AOX1: variants seen among roughly 807,000 people sequenced by gnomAD.
AOX1 encodes aldehyde oxidase 1, also known as aldehyde oxidase.
AOX1 carries 153 observed loss-of-function variants against 169.5 expected under a neutral mutation model. That is an observed-to-expected ratio of 0.90 (90% CI 0.79 to 1.03). The LOEUF is 1.03. Ranked by LOEUF, AOX1 falls within the 50% of genes least tolerant of loss-of-function variation. The pLI, the probability that AOX1 is intolerant of heterozygous loss-of-function variation, is 0.00. For missense variants in AOX1, 1,656 were observed against 1,663.9 expected (o/e 1.00, Z 0.08); for synonymous variants, 562 against 581.9 (o/e 0.97, Z 0.49).
chr2:200,662,574 G>A (rs894640772), intron 30 of AOX1, among the ~76,000 whole-genome samples: 2 of 152,204 alleles, frequency 1.3e-5, no homozygotes, highest in Admixed American at 6.5e-5. Context: ...TTAGCCAAAA[G>A]CAGTAAGATG....
chr2:200,589,124 T>C (rs941885123), intron 1 of AOX1, among the ~76,000 whole-genome samples: 1 of 152,160 alleles, frequency 6.6e-6, no homozygotes, highest in Non-Finnish European at 1.5e-5. Flanking sequence ...GGTGACATGA[T>C]TGGCTTCTAT....
chr2:200,641,293 T>G, intron 24 of AOX1, 109 bp downstream of exon 24: 1 of 758,628 alleles, frequency 1.3e-6, no homozygotes, highest in Non-Finnish European at 2.2e-6. Context: ...AAAGGTATAA[T>G]GACCATCCTT....
chr2:200,680,679 G>A (rs568279047), downstream of AOX1, among the ~76,000 whole-genome samples: 5 of 152,218 alleles, frequency 3.3e-5, no homozygotes, highest in South Asian at 2.1e-4. Context: ...ATGAGTAGCT[G>A]GGATTACAGG....
chr2:200,669,019 A>G (rs369817923), intron 33 of AOX1, among the ~76,000 whole-genome samples: 22 of 152,232 alleles, frequency 1.4e-4, no homozygotes, highest in African/African-American at 4.8e-4. Flanking sequence ...ATCAGGTTCT[A>G]TCTAATTTTT....
intron 16 of AOX1, 30 bp from the exon 17 acceptor site, chr2:200,620,620 A>T: frequency 6.8e-7 from 1 of 1,468,938 alleles, no homozygotes; most frequent in Non-Finnish European, 9.0e-7. Flanking sequence ...ATAGAAATGT[A>T]AAAGTATATT....
rs578205008 is a variant in AOX1, at chr2:200,599,828, G to A, written c.436+82G>A. The A allele has an allele frequency of 8.9e-5, 104 of 1,171,910 alleles. No homozygotes were observed. In the Middle Eastern group the frequency reaches 1.9e-3, roughly 22 times the overall value. The allele number at this position is 1,171,910 out of a possible 1,614,324, so 72.6% of individuals were successfully genotyped here. A position where few individuals can be genotyped will look rare whatever the true frequency, so the allele number is the denominator to read the frequency against. ...GAGACGGAATCTCACTCTGTTGCCC[G>A]GGCTGGAGGGCGGCGGCGCAATCTT... On this transcript the variant is annotated intron_variant, in intron 5 of 34. Coordinates refer to ENST00000374700, the MANE Select transcript of AOX1 (RefSeq NM_001159.4).
chr2:200,652,906 A>G (rs542338333), intron 26 of AOX1, among the ~76,000 whole-genome samples: 1 of 152,210 alleles, frequency 6.6e-6, no homozygotes, highest in Non-Finnish European at 1.5e-5. Context: ...CTCTACAAAA[A>G]AGAAAAAATA....
intron 14 of AOX1, among the ~76,000 whole-genome samples, chr2:200,613,567 T>C (rs1232578567): frequency 6.6e-6 from 1 of 152,214 alleles, no homozygotes; most frequent in Admixed American, 6.5e-5. Context: ...TTGTCATTTA[T>C]TTCTCTAGAT....
At chr2:200,603,471 G>T (rs1335024105) in intron 7 of AOX1, 115 bp downstream of exon 7, 8 of 724,410 alleles carry the variant, frequency 1.1e-5, no homozygotes, top group Non-Finnish European at 1.9e-5. Flanking sequence ...ATGTCAACAT[G>T]TGCCCTCTCC....
At chr2:200,600,995 T>A (rs2463492) in intron 5 of AOX1, among the ~76,000 whole-genome samples, 3 of 151,116 alleles carry the variant, frequency 2.0e-5, no homozygotes, top group African/African-American at 7.3e-5. Context: ...TAATGTGCCC[T>A]ACTGCTTTCA....
downstream of AOX1, among the ~76,000 whole-genome samples, chr2:200,675,882 T>G (rs566431324): frequency 2.7e-4 from 40 of 150,938 alleles, no homozygotes; most frequent in South Asian, 1.9e-3. Flanking sequence ...CAAAGGTAAT[T>G]GCACTTTTTG....
intron 21 of AOX1, 34 bp from the exon 22 acceptor site, chr2:200,636,877 G>A (rs2035243795): frequency 6.3e-7 from 1 of 1,593,916 alleles, no homozygotes; most frequent in Non-Finnish European, 8.6e-7. Context: ...TGCTGAAGAT[G>A]GATCAGATTA....
intron 5 of AOX1, 99 bp from the exon 6 acceptor site, chr2:200,602,185 C>A: frequency 3.2e-6 from 3 of 923,208 alleles, no homozygotes; most frequent in Admixed American, 2.2e-5. Context: ...TCAAACAGAT[C>A]TTTCCTCTAT....
chr2:200,628,748 G>A (rs1167040996), intron 20 of AOX1, among the ~76,000 whole-genome samples: 1 of 152,080 alleles, frequency 6.6e-6, no homozygotes, highest in Non-Finnish European at 1.5e-5. Context: ...GGCCAAAATG[G>A]CAAAAACCCC....
rs2034883564 is a variant in AOX1 at position 200,621,363 on chromosome 2, T to A, written c.2001+117T>A. 8.1e-6 allele frequency: 8 copies of A among 985,906 alleles called. No individual in the cohort carries two copies. The East Asian group carries it at 2.0e-4, about 25-fold the overall frequency. 61.1% of individuals were successfully genotyped at this position (985,906 alleles called of 1,614,324 possible). ...ATGAAAGACTCCAGTATTCTTAGAA[T>A]GCTTATTATAAAAGTATATTCTAAT... On this transcript the variant is annotated intron_variant, in intron 18 of 34. Transcript: ENST00000374700.
chr2:200,665,542 G>A (rs373257682), intron 31 of AOX1, among the ~76,000 whole-genome samples: 3 of 152,060 alleles, frequency 2.0e-5, no homozygotes, highest in East Asian at 1.9e-4. Context: ...AGTGATTCTC[G>A]TGCCTCAGCC....
intron 3 of AOX1, 85 bp downstream of exon 3, chr2:200,595,453 A>G: frequency 1.1e-6 from 1 of 900,224 alleles, no homozygotes; most frequent in East Asian, 2.8e-5. Context: ...ATATATATTG[A>G]GTACCTACCA....
intron 20 of AOX1, 116 bp downstream of exon 20, chr2:200,627,565 A>G (rs2035032868): frequency 1.5e-6 from 1 of 676,906 alleles, no homozygotes; most frequent in Non-Finnish European, 2.6e-6. Flanking sequence ...CTCCTCAGGA[A>G]CAGGCAGAAC....
chr2:200,603,216 A>T, intron 6 of AOX1, 51 bp from the exon 7 acceptor site: 1 of 1,408,312 alleles, frequency 7.1e-7, no homozygotes. Flanking sequence ...TTTATTTACT[A>T]GTTAGTAGAA....
Sources: gnomAD v4.1 joint callset for allele counts (sites outside exome capture counted in the v4.1 genomes callset) on GRCh38, gnomAD v4.1.1 for gene constraint, MANE v1.5 for transcripts, NCBI Gene and HGNC (gene_info 2026-07-23, HGNC 2026-07-21) for gene names.